The following COL8A1 variants were observed in gnomAD, a reference collection of about 807,000 sequenced individuals.
COL8A1 encodes the protein collagen alpha-1(VIII) chain.
COL8A1 carries 21 observed loss-of-function variants against 42.7 expected under a neutral mutation model. The ratio of observed to expected loss-of-function variants is 0.49; its 90% CI spans 0.35 to 0.71. The LOEUF is 0.71. COL8A1 is among the 30% of genes least tolerant of loss of function. The pLI, the probability that COL8A1 is intolerant of heterozygous loss-of-function variation, is 0.01. For missense variants in COL8A1, 788 were observed against 962.4 expected (o/e 0.82, Z 2.40); for synonymous variants, 367 against 369.1 (o/e 0.99, Z 0.06).
At chr3:99,708,532 CG>C (rs1301367695) in intron 1 of COL8A1, among the ~76,000 whole-genome samples, 2 of 150,388 alleles carry the variant, frequency 1.3e-5, no homozygotes, top group Non-Finnish European at 3.0e-5. Flanking sequence ...CCACTTCCTC[CG>C]CCCTTCTTTG....
intron 1 of COL8A1, among the ~76,000 whole-genome samples, chr3:99,734,822 T>C (rs2107390592): frequency 6.6e-6 from 1 of 152,274 alleles, no homozygotes; most frequent in South Asian, 2.1e-4. Flanking sequence ...CTCTTTTATT[T>C]CCTTGAGAAG....
At chr3:99,649,049 G>C (rs1937751083) in intron 1 of COL8A1, among the ~76,000 whole-genome samples, 1 of 151,786 alleles carries the variant, frequency 6.6e-6, no homozygotes, top group Non-Finnish European at 1.5e-5. Flanking sequence ...TTTTGTTCTT[G>C]ATCTTCCCTC....
intron 1 of COL8A1, among the ~76,000 whole-genome samples, chr3:99,731,544 G>T (rs1192857653): frequency 6.6e-6 from 1 of 152,094 alleles, no homozygotes; most frequent in Non-Finnish European, 1.5e-5. Context: ...GGGAGCTATT[G>T]GGTATGGGGA....
chr3:99,742,013 T>C (rs1232108451), intron 1 of COL8A1, among the ~76,000 whole-genome samples: 1 of 152,276 alleles, frequency 6.6e-6, no homozygotes, highest in Non-Finnish European at 1.5e-5. Flanking sequence ...TATTTATATA[T>C]GCTTATCTAT....
chr3:99,645,174 G>T (rs1452672604), intron 1 of COL8A1, among the ~76,000 whole-genome samples: 1 of 152,202 alleles, frequency 6.6e-6, no homozygotes, highest in Non-Finnish European at 1.5e-5. Flanking sequence ...CATAAATTCA[G>T]TGATGATTGT....
intron 2 of COL8A1, among the ~76,000 whole-genome samples, chr3:99,774,145 C>T (rs552012130): frequency 2.0e-5 from 3 of 150,700 alleles, no homozygotes; most frequent in Non-Finnish European, 4.4e-5. Context: ...ACGCCCAACC[C>T]GATAGACATA....
chr3:99,660,009 G>C (rs1576418000), intron 1 of COL8A1, among the ~76,000 whole-genome samples: 2 of 152,326 alleles, frequency 1.3e-5, no homozygotes, highest in South Asian at 4.1e-4. Flanking sequence ...CAAGCAAATA[G>C]AGCCAATAAA....
At chr3:99,781,904 T>C (rs116007600) in intron 2 of COL8A1, among the ~76,000 whole-genome samples, 1,872 of 152,314 alleles carry the variant, frequency 0.012, 20 homozygotes, top group African/African-American at 0.028. Flanking sequence ...ATTGTTGTTG[T>C]TCCTAAAACA....
At chr3:99,773,819 A>G (rs1559632657) in intron 2 of COL8A1, among the ~76,000 whole-genome samples, 3 of 56,404 alleles carry the variant, frequency 5.3e-5, no homozygotes, top group African/African-American at 1.7e-4. Flanking sequence ...ATGTGTGTAT[A>G]TATATATATA....
Position 99,798,536 on chromosome 3 carries a change from T to C in COL8A1, c.*2400T>C, listed in dbSNP as rs1191194671. On this transcript the variant is annotated 3_prime_UTR_variant, in exon 4 of 4. Transcript: ENST00000652472. Reference sequence around the variant, plus strand: ...CCAAGAAAGAGAGAAATTATCTTTTTAGTTAAAACCAAATTTCACTTTTCA... The same window carrying C: ...CCAAGAAAGAGAGAAATTATCTTTTCAGTTAAAACCAAATTTCACTTTTCA... 1 of 152,236 alleles carries C rather than the reference T, an allele frequency of 6.6e-6. No individual in the cohort carries two copies. The highest frequency in any genetic ancestry group is 1.5e-5 in the Non-Finnish European group (1 of 68,036). The allele number at this position is 152,236 out of a possible 1,614,324, so 9.4% of individuals were successfully genotyped here. A position where few individuals can be genotyped will look rare whatever the true frequency, so the allele number is the denominator to read the frequency against.
At chr3:99,745,430 G>A (rs1245141750) in intron 2 of COL8A1, among the ~76,000 whole-genome samples, 2 of 152,102 alleles carry the variant, frequency 1.3e-5, no homozygotes, top group East Asian at 3.8e-4. Context: ...AAAAGATCTG[G>A]AGATTTGTAA....
chr3:99,714,847 A>G (rs1277958241), intron 1 of COL8A1, among the ~76,000 whole-genome samples: 2 of 152,144 alleles, frequency 1.3e-5, no homozygotes, highest in Admixed American at 1.3e-4. Context: ...TGTGCCATAG[A>G]GGGAGAAGGA....
At chr3:99,669,123 T>TTATATATATATA (rs775831851) in intron 1 of COL8A1, among the ~76,000 whole-genome samples, 3 of 96,592 alleles carry the variant, frequency 3.1e-5, no homozygotes, top group Admixed American at 2.3e-4. Flanking sequence ...CTTAAAAAAA[T>TTATATATATATA]TATATATATA....
intron 2 of COL8A1, among the ~76,000 whole-genome samples, chr3:99,764,692 CTTTTTTTTCTTTTTTTT>C (rs1182786117): frequency 4.7e-5 from 2 of 42,984 alleles, no homozygotes; most frequent in Non-Finnish European, 8.3e-5. Context: ...TCTTTTTTTT[CTTTTTTTTCTTTTTTTT>C]TTTTTTTTGA....
chr3:99,732,681 T>C (rs981180346), intron 1 of COL8A1, among the ~76,000 whole-genome samples: 1 of 152,044 alleles, frequency 6.6e-6, no homozygotes, highest in Admixed American at 6.6e-5. Context: ...ATTCTGCCCC[T>C]GGCCCCTCCC....
At chr3:99,789,253 G>A (rs1173860984) in intron 2 of COL8A1, among the ~76,000 whole-genome samples, 2 of 152,094 alleles carry the variant, frequency 1.3e-5, no homozygotes, top group African/African-American at 4.8e-5. Context: ...CTATGATCCA[G>A]AATTAAGTAA....
At chr3:99,757,943 TAA>T (rs1941286940) in intron 2 of COL8A1, among the ~76,000 whole-genome samples, 1 of 152,192 alleles carries the variant, frequency 6.6e-6, no homozygotes, top group Non-Finnish European at 1.5e-5. Context: ...AAAATTTGTA[TAA>T]GTTATTCTAA....
chr3:99,723,208 G>A (rs968374985), intron 1 of COL8A1, among the ~76,000 whole-genome samples: 1 of 152,120 alleles, frequency 6.6e-6, no homozygotes, highest in African/African-American at 2.4e-5. Flanking sequence ...AAGTTAGATG[G>A]AAAGATCTTA....
intron 1 of COL8A1, among the ~76,000 whole-genome samples, chr3:99,736,130 G>GT (rs996004870): frequency 6.6e-6 from 1 of 152,096 alleles, no homozygotes; most frequent in South Asian, 2.1e-4. Flanking sequence ...TTTTTGAAGG[G>GT]TTTTTTGTGT....
Sources: allele counts gnomAD v4.1 joint callset (sites outside exome capture counted in the v4.1 genomes callset), GRCh38; gene constraint gnomAD v4.1.1; transcripts MANE v1.5; gene names NCBI Gene and HGNC (gene_info 2026-07-23, HGNC 2026-07-21).